The following CDIP1 variants were observed in gnomAD, a reference collection of about 807,000 sequenced individuals.
The protein encoded by CDIP1 is cell death inducing p53 target 1.
In CDIP1, 9 loss-of-function variants were observed where a neutral mutation model predicts 17.7. The observed-to-expected ratio is 0.51, with a 90% CI of 0.31 to 0.89. CDIP1 has a LOEUF of 0.89. CDIP1 is among the 40% of genes least tolerant of loss of function. The pLI is 0.05. For missense variants in CDIP1, 263 were observed against 277.9 expected (o/e 0.95, Z 0.38); for synonymous variants, 117 against 109.5 (o/e 1.07, Z -0.43).
intron 1 of CDIP1, among the ~76,000 whole-genome samples, chr16:4,518,549 C>T (rs2058911897): frequency 6.6e-6 from 1 of 152,212 alleles, no homozygotes; most frequent in Non-Finnish European, 1.5e-5. Context: ...TGCTCCCCCT[C>T]ACCCCTCCAT....
At chr16:4,523,782 G>T in intron 1 of CDIP1, 1 of 152,454 alleles carries the variant, frequency 6.6e-6, no homozygotes. Context: ...GGACAGCAGA[G>T]GGAACAGTGA....
intron 1 of CDIP1, among the ~76,000 whole-genome samples, chr16:4,522,681 G>A (rs914685049): frequency 3.3e-5 from 5 of 152,248 alleles, no homozygotes; most frequent in Admixed American, 6.5e-5. Context: ...CCCAAACCAG[G>A]TCTGGAGGAA....
At chr16:4,520,980 A>G (rs2058940631) in intron 1 of CDIP1, among the ~76,000 whole-genome samples, 1 of 152,198 alleles carries the variant, frequency 6.6e-6, no homozygotes, top group Non-Finnish European at 1.5e-5. Flanking sequence ...TCCATTTGAC[A>G]TACTTCATGT....
At position 4,514,241 on chromosome 16, in the gene CDIP1, G is replaced by C; in HGVS notation, c.-14-97C>G. On this transcript the variant is annotated intron_variant, in intron 2 of 5. Transcript: ENST00000567695. This position sits in a 1 kb window ranked among gnomAD's most constrained non-coding sequence, Gnocchi z 5.2. ...GTGGCCAAGATGCTGCACAAGGCGT[G>C]TGACCATCCTCAGAAGGGTCTGCCT... is the stretch of plus-strand genomic sequence containing the variant. The C allele has an allele frequency of 1.5e-6, 1 of 683,832 alleles. No individual in the cohort carries two copies. Among genetic ancestry groups the C allele is most frequent in the South Asian group, 1.9e-5 (1 of 51,536 alleles). 42.4% of individuals were successfully genotyped at this position (683,832 alleles called of 1,614,324 possible).
chr16:4,527,960 G>A (rs968585689), intron 1 of CDIP1, among the ~76,000 whole-genome samples: 5 of 151,802 alleles, frequency 3.3e-5, no homozygotes, highest in African/African-American at 1.2e-4. Flanking sequence ...AGGATTACAC[G>A]CACCCGCCAC....
rs771378997 is a variant in CDIP1 at position 4,513,838 on chromosome 16, T to A, written c.99A>T (p.Pro33=). Residue 33 remains proline, a synonymous_variant, in exon 4 of 6, where the codon CCA becomes CCT. Coordinates refer to ENST00000567695, the MANE Select transcript of CDIP1 (RefSeq NM_013399.3). This position sits in a 1 kb window ranked among gnomAD's most constrained non-coding sequence, Gnocchi z 4.1. Reference sequence around the variant, plus strand: ...TGCCTGGAGGGGGCTGCATCACAGCTGGGGAGGAACGGCCTGGACAGAGAG... The same window carrying A: ...TGCCTGGAGGGGGCTGCATCACAGCAGGGGAGGAACGGCCTGGACAGAGAG... ...GAPPTPGRSS[P]AVMQPPPGMP... The A allele has an allele frequency of 8.2e-6, 13 of 1,584,196 alleles. No individual in the cohort carries two copies. In the African/African-American group the frequency reaches 1.6e-4, roughly 20 times the overall value.
intron 1 of CDIP1, among the ~76,000 whole-genome samples, chr16:4,534,342 C>T (rs775614178): frequency 6.6e-5 from 10 of 152,218 alleles, no homozygotes; most frequent in Non-Finnish European, 1.3e-4. Context: ...CAGGAAAGTA[C>T]TTACGTTCAC....
At chr16:4,525,282 G>A (rs562367261) in intron 1 of CDIP1, among the ~76,000 whole-genome samples, 2 of 152,300 alleles carry the variant, frequency 1.3e-5, no homozygotes, top group East Asian at 3.9e-4. Flanking sequence ...AGATGCTTCC[G>A]TAGTTAAAAC....
rs1287798123 is a variant in CDIP1, at chr16:4,514,051, G to A, written c.80C>T (p.Thr27Ile). The A allele has an allele frequency of 6.6e-7, 1 of 1,511,520 alleles. No homozygotes were observed. The highest frequency in any genetic ancestry group is 8.8e-7 in the Non-Finnish European group (1 of 1,134,796). The allele number at this position is 1,511,520 out of a possible 1,614,324, so 93.6% of individuals were successfully genotyped here. A position where few individuals can be genotyped will look rare whatever the true frequency, so the allele number is the denominator to read the frequency against. The part of the protein sequence containing the change: ...LLEEKSGAPP[T>I]PGRSSPAVMQ... Reference sequence around the variant, plus strand: ...CAGGAACAGTGACCCCCTACCTGGGGTGGGCGGGGCTCCACTTTTCTCTTC... The same window carrying A: ...CAGGAACAGTGACCCCCTACCTGGGATGGGCGGGGCTCCACTTTTCTCTTC... Residue 27 changes from threonine to isoleucine, a missense_variant, in exon 3 of 6, where the codon ACC becomes ATC. Thr to Ile is a moderately conservative substitution (Grantham distance 89). Coordinates refer to ENST00000567695, the MANE Select transcript of CDIP1 (RefSeq NM_013399.3). This position sits in a 1 kb window ranked among gnomAD's most constrained non-coding sequence, Gnocchi z 5.2.
Position 4,514,758 on chromosome 16 carries a change from C to T in CDIP1, c.-104-94G>A, listed in dbSNP as rs1336969607. On this transcript the variant is annotated intron_variant, in intron 1 of 5. Coordinates refer to ENST00000567695, the MANE Select transcript of CDIP1 (RefSeq NM_013399.3). The surrounding 1 kb of genome is among the most constrained non-coding windows in gnomAD (Gnocchi z 5.2). ...AGGGGCCTGGGCATACCACACAGTT[C>T]CTCCCCTTCCACATCCGGCTTCTCC... The T allele has an allele frequency of 6.6e-6, 1 of 152,582 alleles. No individual in the cohort carries two copies. Among genetic ancestry groups the T allele is most frequent in the East Asian group, 1.9e-4 (1 of 5,194 alleles). 9.5% of individuals were successfully genotyped at this position (152,582 alleles called of 1,614,324 possible).
chr16:4,517,843 C>T (rs2058904137), intron 1 of CDIP1, among the ~76,000 whole-genome samples: 1 of 152,192 alleles, frequency 6.6e-6, no homozygotes, highest in South Asian at 2.1e-4. Flanking sequence ...GCCAGGTGCC[C>T]TCCTGCAGGG....
At chr16:4,530,696 C>T (rs963745448) in intron 1 of CDIP1, among the ~76,000 whole-genome samples, 1 of 151,550 alleles carries the variant, frequency 6.6e-6, no homozygotes, top group Non-Finnish European at 1.5e-5. Flanking sequence ...ATACAGTAGG[C>T]CAGGCACTGT....
At chr16:4,519,444 G>A (rs537167116) in intron 1 of CDIP1, among the ~76,000 whole-genome samples, 3 of 152,270 alleles carry the variant, frequency 2.0e-5, no homozygotes, top group South Asian at 4.1e-4. Flanking sequence ...TGCGACCTGC[G>A]CTTCTGACAG....
At chr16:4,527,965 C>T (rs552846090) in intron 1 of CDIP1, among the ~76,000 whole-genome samples, 3 of 152,120 alleles carry the variant, frequency 2.0e-5, no homozygotes, top group Non-Finnish European at 2.9e-5. Context: ...TACACGCACC[C>T]GCCACTAAGC....
At chr16:4,536,109 G>A (rs1422112222) in intron 1 of CDIP1, among the ~76,000 whole-genome samples, 1 of 152,124 alleles carries the variant, frequency 6.6e-6, no homozygotes, top group African/African-American at 2.4e-5. Flanking sequence ...TCCACCTACA[G>A]GACAGTGACA....
intron 1 of CDIP1, among the ~76,000 whole-genome samples, chr16:4,528,890 G>A (rs747011584): frequency 6.6e-6 from 1 of 152,040 alleles, no homozygotes; most frequent in Non-Finnish European, 1.5e-5. Context: ...TTGGGAGGCT[G>A]AGGCAAAAGA....
chr16:4,538,756 GCTGGCAGTCGCA>G lies in CDIP1; in HGVS notation c.-171_-160del, dbSNP rs1158132240. 6.6e-6 allele frequency: 1 copy of G among 152,260 alleles called. No homozygotes were observed. Among genetic ancestry groups the G allele is most frequent in the East Asian group, 1.9e-4 (1 of 5,188 alleles). The allele number at this position is 152,260 out of a possible 1,614,324, so 9.4% of individuals were successfully genotyped here. A position where few individuals can be genotyped will look rare whatever the true frequency, so the allele number is the denominator to read the frequency against. ...AACAGCAGGACCGAACGCCTCGGCA[GCTGGCAGTCGCA>G]CTTCTGTCACAAGGAGGCGGGTAGA... On this transcript the variant is annotated 5_prime_UTR_variant, in exon 1 of 6. Transcript: ENST00000567695.
chr16:4,531,037 G>A (rs2059052011), intron 1 of CDIP1, among the ~76,000 whole-genome samples: 1 of 151,662 alleles, frequency 6.6e-6, no homozygotes, highest in Non-Finnish European at 1.5e-5. Context: ...GCTTGGCCAT[G>A]TATATATTTC....
At chr16:4,516,058 C>T (rs765130627) in intron 1 of CDIP1, among the ~76,000 whole-genome samples, 1 of 152,120 alleles carries the variant, frequency 6.6e-6, no homozygotes, top group Admixed American at 6.5e-5. Context: ...TAAACAAAAC[C>T]GTAGGCTGCC....
Sources: allele counts gnomAD v4.1 joint callset (sites outside exome capture counted in the v4.1 genomes callset), GRCh38; gene constraint gnomAD v4.1.1; non-coding constraint Gnocchi (gnomAD v3.1); transcripts MANE v1.5; gene names NCBI Gene and HGNC (gene_info 2026-07-23, HGNC 2026-07-21).